LRRC37A2: variants seen among roughly 807,000 people sequenced by gnomAD.
LRRC37A2 encodes leucine rich repeat containing 37 member A2.
Under a neutral mutation model 68.8 loss-of-function variants are expected in LRRC37A2, and 9 were observed. The ratio of observed to expected loss-of-function variants is 0.13; its 90% CI spans 0.08 to 0.23. The LOEUF (loss-of-function observed/expected upper bound fraction) is 0.23. LRRC37A2 is among the 10% of genes least tolerant of loss of function. The pLI, the probability that LRRC37A2 is intolerant of heterozygous loss-of-function variation, is 1.00. For synonymous variants in LRRC37A2, 63 were observed against 367.6 expected, an observed-to-expected ratio of 0.17 and a Z score of 9.48; for missense variants, 168 against 950.4, an observed-to-expected ratio of 0.18 and a Z score of 10.82.
At chr17:46,961,249 A>G in the LRRC37A2 span, among the ~76,000 whole-genome samples, 1 of 152,232 alleles carries the variant, frequency 6.6e-6, no homozygotes, top group Non-Finnish European at 1.5e-5. Flanking sequence ...AGTAGAGACT[A>G]TGAAAGAAGT....
the LRRC37A2 span, among the ~76,000 whole-genome samples, chr17:46,800,549 T>C: frequency 1.3e-5 from 2 of 152,150 alleles, no homozygotes; most frequent in Non-Finnish European, 2.9e-5. Flanking sequence ...CAGATGCACA[T>C]GAAGAGGTAT....
At chr17:46,891,220 A>G in the LRRC37A2 span, among the ~76,000 whole-genome samples, 2 of 152,166 alleles carry the variant, frequency 1.3e-5, no homozygotes, top group African/African-American at 4.8e-5. Flanking sequence ...AATCATATTT[A>G]ACCTTTGTGT....
chr17:46,848,932 G>GCACACACACACA, the LRRC37A2 span, among the ~76,000 whole-genome samples: 646 of 146,286 alleles, frequency 4.4e-3, 2 homozygotes, highest in East Asian at 0.032. Context: ...GTGTGCACGT[G>GCACACACACACA]CACACACACA....
chr17:46,777,465 C>T, the LRRC37A2 span, among the ~76,000 whole-genome samples: 1 of 152,258 alleles, frequency 6.6e-6, no homozygotes. Flanking sequence ...TGGCACACTG[C>T]CTGCATGGCT....
the LRRC37A2 span, among the ~76,000 whole-genome samples, chr17:46,493,537 A>G: frequency 2.5e-5 from 1 of 39,442 alleles, no homozygotes; most frequent in Non-Finnish European, 8.2e-5. Context: ...ATTTTATTTT[A>G]TTTATTTATT....
the LRRC37A2 span, chr17:46,755,425 C>A: frequency 1.5e-6 from 2 of 1,356,418 alleles, no homozygotes; most frequent in Non-Finnish European, 2.1e-6. Flanking sequence ...CTGTTAAATC[C>A]CTGTGCCTAT....
the LRRC37A2 span, among the ~76,000 whole-genome samples, chr17:46,961,364 C>A: frequency 2.6e-5 from 4 of 152,074 alleles, no homozygotes; most frequent in African/African-American, 9.6e-5. Flanking sequence ...ATAGTGAGAC[C>A]CCATCTCTAC....
downstream of LRRC37A2, among the ~76,000 whole-genome samples, chr17:46,558,634 G>A (rs2057423854): frequency 8.6e-6 from 1 of 116,382 alleles, no homozygotes; most frequent in African/African-American, 3.6e-5. Flanking sequence ...CAAGTGATCC[G>A]CTCACCTTGG....
chr17:46,720,423 T>G, the LRRC37A2 span, among the ~76,000 whole-genome samples: 1 of 152,154 alleles, frequency 6.6e-6, no homozygotes, highest in Admixed American at 6.5e-5. Context: ...TGAGAAAATG[T>G]AAGATTTTTT....
chr17:46,989,305 C>T, the LRRC37A2 span, among the ~76,000 whole-genome samples: 2 of 152,194 alleles, frequency 1.3e-5, no homozygotes, highest in Non-Finnish European at 2.9e-5. Context: ...GATCCCACGG[C>T]GGGACACAAG....
chr17:46,926,670 T>A, the LRRC37A2 span, among the ~76,000 whole-genome samples: 1 of 152,226 alleles, frequency 6.6e-6, no homozygotes, highest in Non-Finnish European at 1.5e-5. Flanking sequence ...TGAGACAGAT[T>A]TTGCACTTGG....
chr17:46,902,434 AT>A, the LRRC37A2 span, among the ~76,000 whole-genome samples: 6 of 151,442 alleles, frequency 4.0e-5, no homozygotes, highest in African/African-American at 7.3e-5. Flanking sequence ...AGAGTAATTC[AT>A]TTGAAATCTC....
exon 2 of LRRC37A2, chr17:46,512,822 C>T (rs1408040190): frequency 1.3e-6 from 1 of 765,696 alleles, no homozygotes; most frequent in Admixed American, 2.5e-5. Flanking sequence ...GTTAAGGAGG[C>T]TCAGCCTCTG....
At chr17:46,872,609 T>G in the LRRC37A2 span, 9 of 1,612,934 alleles carry the variant, frequency 5.6e-6, no homozygotes, top group Non-Finnish European at 7.6e-6. Flanking sequence ...CAGTGTGACC[T>G]GCTGAAGCTG....
the LRRC37A2 span, among the ~76,000 whole-genome samples, chr17:46,918,156 C>T: frequency 0.014 from 2,191 of 152,268 alleles, 53 homozygotes; most frequent in African/African-American, 0.05. Context: ...CTCAGCTCAC[C>T]GCAACCTCCG....
chr17:46,905,266 G>A, the LRRC37A2 span, among the ~76,000 whole-genome samples: 3 of 152,030 alleles, frequency 2.0e-5, no homozygotes, highest in Non-Finnish European at 4.4e-5. Context: ...AGTAGAGACA[G>A]GGTTTCATCA....
the LRRC37A2 span, among the ~76,000 whole-genome samples, chr17:46,961,707 C>T: frequency 1.2e-4 from 18 of 151,918 alleles, no homozygotes; most frequent in African/African-American, 3.1e-4. Context: ...TAAAATATAA[C>T]GACATAGAAA....
the LRRC37A2 span, among the ~76,000 whole-genome samples, chr17:46,765,583 A>C: frequency 6.6e-6 from 1 of 152,226 alleles, no homozygotes; most frequent in African/African-American, 2.4e-5. Flanking sequence ...CAGGGAAGAC[A>C]AGAGAACAGC....
the LRRC37A2 span, among the ~76,000 whole-genome samples, chr17:46,771,755 C>T: frequency 1.3e-4 from 6 of 47,736 alleles, no homozygotes; most frequent in Admixed American, 4.5e-4. Flanking sequence ...GCGGCGCCCC[C>T]CGCCCCCGCG....
Sources: gnomAD v4.1 joint callset for allele counts (sites outside exome capture counted in the v4.1 genomes callset) on GRCh38, gnomAD v4.1.1 for gene constraint, MANE v1.5 for transcripts, NCBI Gene and HGNC (gene_info 2026-07-23, HGNC 2026-07-21) for gene names.